Variants in GALNT14 observed in about 807,000 individuals in gnomAD.
GALNT14 encodes the protein polypeptide N-acetylgalactosaminyltransferase 14.
A neutral mutation model predicts 77.5 loss-of-function variants in GALNT14; 60 were observed. The ratio of observed to expected loss-of-function variants is 0.77; its 90% CI spans 0.63 to 0.96. The LOEUF (loss-of-function observed/expected upper bound fraction) is 0.96, where lower values mean the gene tolerates loss of function less well. GALNT14 is among the 40% of genes least tolerant of loss of function. The pLI, the probability that GALNT14 is intolerant of heterozygous loss-of-function variation, is 0.00. For synonymous variants in GALNT14, 280 were observed against 281.7 expected (o/e 0.99, Z 0.06); for missense variants, 710 against 731.0 (o/e 0.97, Z 0.33).
intron 6 of GALNT14, among the ~76,000 whole-genome samples, chr2:30,952,795 T>A (rs1262935599): frequency 2.0e-5 from 3 of 152,200 alleles, no homozygotes; most frequent in Admixed American, 2.0e-4. Context: ...TTGATTCATT[T>A]TCATTCTACC....
chr2:31,035,450 C>A (rs761500912), intron 1 of GALNT14, among the ~76,000 whole-genome samples: 12 of 151,502 alleles, frequency 7.9e-5, no homozygotes, highest in Non-Finnish European at 1.5e-4. Context: ...AACATTTATC[C>A]ATTTATCCCA....
chr2:30,929,616 C>T, intron 10 of GALNT14, 129 bp from the exon 11 acceptor site: 2 of 662,040 alleles, frequency 3.0e-6, no homozygotes, highest in Admixed American at 2.4e-5. Flanking sequence ...CCATGGTCAA[C>T]CGACTATCAT....
intron 1 of GALNT14, among the ~76,000 whole-genome samples, chr2:31,068,153 T>C (rs1675105293): frequency 6.6e-6 from 1 of 152,154 alleles, no homozygotes; most frequent in African/African-American, 2.4e-5. Flanking sequence ...GACCCCTATG[T>C]TCCAGTTGCT....
intron 3 of GALNT14, among the ~76,000 whole-genome samples, chr2:30,960,560 G>A (rs1667632102): frequency 6.6e-6 from 1 of 152,212 alleles, no homozygotes; most frequent in Admixed American, 6.5e-5. Flanking sequence ...GCTTGTTTTT[G>A]CTTCTCTAAT....
chr2:30,990,794 C>A (rs1454496690), intron 2 of GALNT14, among the ~76,000 whole-genome samples: 1 of 152,228 alleles, frequency 6.6e-6, no homozygotes, highest in East Asian at 1.9e-4. Context: ...ACAATCCCAG[C>A]TCCCACAGGG....
At chr2:31,022,668 T>C (rs957751686) in intron 1 of GALNT14, among the ~76,000 whole-genome samples, 1 of 152,144 alleles carries the variant, frequency 6.6e-6, no homozygotes, top group Non-Finnish European at 1.5e-5. Flanking sequence ...CCTAAGGAAC[T>C]GGGGAGGGCA....
At position 30,945,792 on chromosome 2, in the gene GALNT14, G is replaced by A. The variant is rs73923306; in HGVS notation, c.733C>T (p.Leu245Phe). 6.2e-7 allele frequency: 1 copy of A among 1,614,010 alleles called. No individual in the cohort carries two copies. The highest frequency in any genetic ancestry group is 1.3e-5 in the African/African-American group (1 of 75,046). Reference protein sequence around the residue: ...TFTYIESASELRGGFDWSLHF... With the variant: ...TFTYIESASEFRGGFDWSLHF... ...TGTTAGCCCAACTCACCCCCTCTGA[G>A]CTCCGAGGCAGACTCGATGTAGGTG... is the stretch of plus-strand genomic sequence containing the variant. Residue 245 changes from leucine (L) to phenylalanine (F), a missense_variant, in exon 7 of 15, where the codon CTC becomes TTC. By Grantham distance (22) the Leu-to-Phe change is conservative (BLOSUM62 0). Coordinates refer to ENST00000349752, the MANE Select transcript of GALNT14 (RefSeq NM_024572.4).
chr2:31,067,487 G>C (rs929773642), intron 1 of GALNT14, among the ~76,000 whole-genome samples: 11 of 152,060 alleles, frequency 7.2e-5, no homozygotes, highest in African/African-American at 2.4e-4. Context: ...AGCCGGTTTT[G>C]TGCCGGCAGA....
intron 2 of GALNT14, among the ~76,000 whole-genome samples, chr2:30,984,275 G>C (rs973029807): frequency 2.6e-5 from 4 of 152,206 alleles, no homozygotes; most frequent in African/African-American, 9.6e-5. Flanking sequence ...TCTAGCTCCC[G>C]GGCCAGCAGC....
intron 1 of GALNT14, among the ~76,000 whole-genome samples, chr2:31,099,213 T>C (rs559911203): frequency 1.3e-4 from 20 of 152,170 alleles, no homozygotes; most frequent in Non-Finnish European, 2.6e-4. Flanking sequence ...TAATGTTAAG[T>C]ACATCTTTTA....
At chr2:30,889,956 T>G in the GALNT14 span, among the ~76,000 whole-genome samples, 61 of 152,334 alleles carry the variant, frequency 4.0e-4, no homozygotes, top group South Asian at 9.3e-3. Flanking sequence ...AGGGCTGCAT[T>G]AAACCGTGAG....
intron 13 of GALNT14, among the ~76,000 whole-genome samples, chr2:30,921,945 G>A (rs1665057752): frequency 1.3e-5 from 2 of 152,180 alleles, no homozygotes; most frequent in Admixed American, 6.5e-5. Context: ...AATGTCAAGA[G>A]TGCTGAGATT....
intron 2 of GALNT14, among the ~76,000 whole-genome samples, chr2:30,979,224 G>A (rs889318317): frequency 2.0e-5 from 3 of 152,222 alleles, no homozygotes; most frequent in Non-Finnish European, 2.9e-5. Context: ...AGGGGGCAGC[G>A]GCTGAGTTTG....
chr2:31,029,923 C>T (rs560003273), intron 1 of GALNT14, among the ~76,000 whole-genome samples: 4 of 152,284 alleles, frequency 2.6e-5, no homozygotes, highest in South Asian at 2.1e-4. Flanking sequence ...TGGCTGAGTT[C>T]GAGAATTTGA....
At chr2:31,056,303 G>A (rs953634662) in intron 1 of GALNT14, among the ~76,000 whole-genome samples, 11 of 152,178 alleles carry the variant, frequency 7.2e-5, no homozygotes, top group Non-Finnish European at 1.6e-4. Flanking sequence ...TGGTAGGTTC[G>A]GGCTCATCTG....
chr2:30,926,050 A>C (rs540774248), intron 11 of GALNT14, among the ~76,000 whole-genome samples: 3 of 152,014 alleles, frequency 2.0e-5, no homozygotes, highest in African/African-American at 7.3e-5. Flanking sequence ...TTCCTGTCCA[A>C]CTCACTTCCT....
intron 13 of GALNT14, among the ~76,000 whole-genome samples, chr2:30,918,322 T>A (rs906092969): frequency 3.3e-5 from 5 of 152,224 alleles, no homozygotes; most frequent in African/African-American, 1.2e-4. Flanking sequence ...ACCTGTGAAT[T>A]TGAGCGAGTT....
At chr2:30,935,025 T>A (rs1665965253) in intron 9 of GALNT14, among the ~76,000 whole-genome samples, 1 of 152,196 alleles carries the variant, frequency 6.6e-6, no homozygotes, top group African/African-American at 2.4e-5. Flanking sequence ...GTCTGTTGCC[T>A]TAGTACAAAA....
intron 1 of GALNT14, among the ~76,000 whole-genome samples, chr2:31,022,604 T>G (rs1671790392): frequency 6.6e-6 from 1 of 152,100 alleles, no homozygotes; most frequent in African/African-American, 2.4e-5. Flanking sequence ...AGGGGGTGCT[T>G]CAGGGGGCCC....
Sources: allele counts gnomAD v4.1 joint callset (sites outside exome capture counted in the v4.1 genomes callset), GRCh38; gene constraint gnomAD v4.1.1; transcripts MANE v1.5; gene names NCBI Gene and HGNC (gene_info 2026-07-23, HGNC 2026-07-21).